Variants in TRIP10 observed in about 807,000 individuals in gnomAD.
The protein encoded by TRIP10 is thyroid hormone receptor interactor 10, also known as cdc42-interacting protein 4.
A neutral mutation model predicts 80.9 loss-of-function variants in TRIP10; 54 were observed. The ratio of observed to expected loss-of-function variants is 0.67; its 90% CI spans 0.54 to 0.84. The LOEUF (loss-of-function observed/expected upper bound fraction) is 0.84, where lower values mean the gene tolerates loss of function less well. Ranked by LOEUF, TRIP10 falls within the 40% of genes least tolerant of loss-of-function variation. The probability of loss-of-function intolerance (pLI) is 0.00; values close to 1 mark genes in which losing one functional copy is unlikely to be tolerated. For synonymous variants in TRIP10, 321 were observed against 307.2 expected (o/e 1.04, Z -0.47); for missense variants, 773 against 815.3 (o/e 0.95, Z 0.63).
At chr19:6,740,629 C>CA (rs2145528413) in intron 1 of TRIP10, 1 of 207,246 alleles carries the variant, frequency 4.8e-6, no homozygotes, top group East Asian at 1.2e-4. Flanking sequence ...CCCAGTCTGC[C>CA]AGGAACCCTG....
chr19:6,748,865 T>A (rs1165258310), intron 11 of TRIP10: 1 of 152,152 alleles, frequency 6.6e-6, no homozygotes, highest in Non-Finnish European at 1.5e-5. Context: ...ATTATAGTCG[T>A]GACTACCTGT....
chr19:6,750,345 G>C lies in TRIP10; in HGVS notation c.1449G>C (p.Leu483=). 1.2e-6 allele frequency: 2 copies of C among 1,614,092 alleles called. No individual in the cohort carries two copies. Among genetic ancestry groups the C allele is most frequent in the Non-Finnish European group, 1.7e-6 (2 of 1,179,988 alleles). ...TCCTTAGCAACCGGGGAGACAGCCT[G>C]AGCCGGCACGCCCGGCCTCCCGACC... is the stretch of plus-strand genomic sequence containing the variant. The part of the protein sequence containing the change: ...SRVLSNRGDS[L]SRHARPPDPP... Residue 483 remains leucine, a synonymous_variant, in exon 13 of 15, where the codon CTG becomes CTC. Transcript: ENST00000313244.
chr19:6,747,364 A>G (rs976265457), intron 11 of TRIP10, among the ~76,000 whole-genome samples: 1 of 152,148 alleles, frequency 6.6e-6, no homozygotes, highest in Non-Finnish European at 1.5e-5. Flanking sequence ...GTCTTATACA[A>G]GTCATTCCAG....
In TRIP10 at chr19:6,743,485, C is replaced by A. The variant is rs751912954; in HGVS notation, c.409-9C>A. On this transcript the variant is annotated splice_polypyrimidine_tract_variant and intron_variant, in intron 5 of 14. Transcript: ENST00000313244. ...TGGCTCCCTCACTCCGGTTCTGTCC[C>A]CTACACAGAGTAAGCGTAAATTTGA... The A allele has an allele frequency of 6.2e-7, 1 of 1,613,654 alleles. No homozygotes were observed. The highest frequency in any genetic ancestry group is 2.2e-5 in the East Asian group (1 of 44,884).
chr19:6,739,887 C>G, intron 1 of TRIP10, 102 bp downstream of exon 1: 1 of 1,285,544 alleles, frequency 7.8e-7, no homozygotes, highest in Non-Finnish European at 1.0e-6. Flanking sequence ...CCTTTCCCTT[C>G]CACCGACCCC....
chr19:6,740,856 T>TC (rs1387563858), intron 1 of TRIP10, 154 bp from the exon 2 acceptor site: 2 of 623,460 alleles, frequency 3.2e-6, no homozygotes, highest in East Asian at 2.8e-5. Context: ...GTTTCCTGCC[T>TC]CCCCCCGCGC....
Position 6,744,770 on chromosome 19 carries a change from G to T in TRIP10, c.790-30G>T, listed in dbSNP as rs369486957. On this transcript the variant is annotated intron_variant, in intron 8 of 14. Transcript: ENST00000313244. The surrounding 1 kb of genome is among the most constrained non-coding windows in gnomAD (Gnocchi z 4.9). The stretch of plus-strand genomic sequence containing the variant: ...GGAGGTACCCATAGGCTAGGCACTC[G>T]ACTGCTCATCCACTGTCCCCCTCCC... 1.9e-6 allele frequency: 3 copies of T among 1,602,376 alleles called. No individual in the cohort carries two copies. Among genetic ancestry groups the T allele is most frequent in the Admixed American group, 1.7e-5 (1 of 59,360 alleles).
chr19:6,750,731 C>T, intron 14 of TRIP10, 98 bp downstream of exon 14: 2 of 1,528,478 alleles, frequency 1.3e-6, no homozygotes, highest in Non-Finnish European at 1.8e-6. Flanking sequence ...GCGGGTGGCT[C>T]AGGCTTGTAA....
chr19:6,751,241 G>A lies in TRIP10; in HGVS notation c.*30G>A. The A allele has an allele frequency of 6.2e-7, 1 of 1,613,400 alleles. No individual in the cohort carries two copies. Among genetic ancestry groups the A allele is most frequent in the Non-Finnish European group, 8.5e-7 (1 of 1,179,858 alleles). On this transcript the variant is annotated 3_prime_UTR_variant, in exon 15 of 15. Coordinates refer to ENST00000313244, the MANE Select transcript of TRIP10 (RefSeq NM_001288962.2). The stretch of plus-strand genomic sequence containing the variant: ...TGCCAGAGACGGGAAGAGGGGGGCT[G>A]TCGGCTGCTGCTTCTGGGCCACGGG...
chr19:6,744,069 C>G lies in TRIP10; in HGVS notation c.642+233C>G, dbSNP rs1489981349. Among the ~76,000 whole-genome samples, 3 of 151,946 alleles carry G rather than the reference C, an allele frequency of 2.0e-5. No homozygotes were observed. The highest frequency in any genetic ancestry group is 7.3e-5 in the African/African-American group (3 of 41,232). Reference sequence around the variant, plus strand: ...GAGAGATGGGGCCTGGCTCTGTCACCCGGGCAGGAGTGCAGTGGCATAATC... The same window carrying G: ...GAGAGATGGGGCCTGGCTCTGTCACGCGGGCAGGAGTGCAGTGGCATAATC... On this transcript the variant is annotated intron_variant, in intron 7 of 14. Coordinates refer to ENST00000313244, the MANE Select transcript of TRIP10 (RefSeq NM_001288962.2). This position sits in a 1 kb window ranked among gnomAD's most constrained non-coding sequence, Gnocchi z 4.9.
Position 6,744,383 on chromosome 19 carries a change from C to G in TRIP10, c.643-171C>G, listed in dbSNP as rs1368625511. 6.6e-6 allele frequency among the ~76,000 whole-genome samples: 1 copy of G among 152,216 alleles called. No homozygotes were observed. Among genetic ancestry groups the G allele is most frequent in the African/African-American group, 2.4e-5 (1 of 41,466 alleles). On this transcript the variant is annotated intron_variant, in intron 7 of 14. Transcript: ENST00000313244. This position sits in a 1 kb window ranked among gnomAD's most constrained non-coding sequence, Gnocchi z 4.9. Reference sequence around the variant, plus strand: ...CTCTGAGATCCCCCTGGCCCTGTGTCTCTTCCCCAACCACAGTGGGCTGGA... The same window carrying G: ...CTCTGAGATCCCCCTGGCCCTGTGTGTCTTCCCCAACCACAGTGGGCTGGA...
chr19:6,741,088 C>T lies in TRIP10; in HGVS notation c.103C>T (p.Arg35Cys), dbSNP rs961646940. 2 of 1,614,196 alleles carry T rather than the reference C, an allele frequency of 1.2e-6. No individual in the cohort carries two copies. Among genetic ancestry groups the T allele is most frequent in the Non-Finnish European group, 1.7e-6 (2 of 1,180,024 alleles). The change falls in exon 2 of 15, where the codon CGC becomes TGC. Residue 35 changes from arginine to cysteine, a missense_variant. Arg to Cys is a radical substitution (Grantham distance 180, BLOSUM62 -3). Transcript: ENST00000313244. ...LDRYVKFVKE[R>C]TEVEQAYAKQ... Reference sequence around the variant, plus strand: ...CAGATATGTAAAGTTCGTGAAAGAACGCACCGAAGTGGAACAGGCTTACGC... The same window carrying T: ...CAGATATGTAAAGTTCGTGAAAGAATGCACCGAAGTGGAACAGGCTTACGC...
At chr19:6,740,970 CG>C in intron 1 of TRIP10, 39 bp from the exon 2 acceptor site, 1 of 1,576,024 alleles carries the variant, frequency 6.3e-7, no homozygotes, top group Non-Finnish European at 8.7e-7. Context: ...ATCGTGACCC[CG>C]GCCCCTCTCC....
In TRIP10 at chr19:6,742,977, C is replaced by T; in HGVS notation, c.208C>T (p.Gln70Ter). 6.2e-7 allele frequency: 1 copy of T among 1,614,090 alleles called. No individual in the cohort carries two copies. The highest frequency in any genetic ancestry group is 8.5e-7 in the Non-Finnish European group (1 of 1,180,032). Residue 70 changes from glutamine to a stop codon, truncating the protein, a stop_gained, in exon 4 of 15, where the codon CAA (glutamine) becomes TAA (stop). Coordinates refer to ENST00000313244, the MANE Select transcript of TRIP10 (RefSeq NM_001288962.2). LOFTEE classifies it high-confidence loss of function. ...KDDPESKFSQ[Q>*]QSFVQILQEV... Reference sequence around the variant, plus strand: ...CTCATCCAACCCCAGATTCAGCCAGCAACAGTCCTTCGTACAGATTCTCCA... The same window carrying T: ...CTCATCCAACCCCAGATTCAGCCAGTAACAGTCCTTCGTACAGATTCTCCA...
chr19:6,743,210 G>T lies in TRIP10; in HGVS notation c.362G>T (p.Arg121Leu), dbSNP rs375676701. The T allele has an allele frequency of 1.2e-6, 2 of 1,614,124 alleles. No individual in the cohort carries two copies. The highest frequency in any genetic ancestry group is 1.7e-6 in the Non-Finnish European group (2 of 1,180,024). The change falls in exon 5 of 15, where the codon CGG (arginine) becomes CTG (leucine). Residue 121 changes from arginine to leucine, a missense_variant. Transcript: ENST00000313244. ...QERKMHFQEG[R>L]RAQQQLENGF... ...TTTCTGTAGCACTTCCAAGAAGGGC[G>T]GCGGGCCCAGCAGCAGCTGGAAAAT... is the stretch of plus-strand genomic sequence containing the variant.
At position 6,751,155 on chromosome 19, in the gene TRIP10, A is replaced by C. The variant is rs762538200; in HGVS notation, c.1750A>C (p.Lys584Gln). ...KGDGWTRVRRKEGGEGYVPTS... is the reference protein window; with the variant it reads ...KGDGWTRVRRQEGGEGYVPTS... ...GGACGGCTGGACCCGGGTCAGGCGG[A>C]AAGAGGGAGGCGAGGGCTACGTGCC... The change falls in exon 15 of 15, where the codon AAA (lysine) becomes CAA (glutamine). Residue 584 changes from lysine (K) to glutamine (Q), a missense_variant. Physicochemically the swap from Lys to Gln is moderately conservative, Grantham distance 53. Coordinates refer to ENST00000313244, the MANE Select transcript of TRIP10 (RefSeq NM_001288962.2). The C allele has an allele frequency of 6.2e-7, 1 of 1,612,780 alleles. No individual in the cohort carries two copies. The highest frequency in any genetic ancestry group is 8.5e-7 in the Non-Finnish European group (1 of 1,179,802).
intron 3 of TRIP10, among the ~76,000 whole-genome samples, chr19:6,742,604 A>G (rs111607574): frequency 0.023 from 3,546 of 151,412 alleles, 137 homozygotes; most frequent in African/African-American, 0.081. Context: ...GGGGGATTGG[A>G]GTTTGAGACC....
In TRIP10 at chr19:6,739,781, T is replaced by C; in HGVS notation, c.20T>C (p.Leu7Pro). 6.8e-7 allele frequency: 1 copy of C among 1,468,270 alleles called. No individual in the cohort carries two copies. 91.0% of individuals were successfully genotyped at this position (1,468,270 alleles called of 1,614,324 possible). A position where few individuals can be genotyped will look rare whatever the true frequency, so the allele number is the denominator to read the frequency against. Residue 7 changes from leucine (L) to proline (P), a missense_variant, in exon 1 of 15, where the codon CTG becomes CCG. Transcript: ENST00000313244. MDWGTELWDQFEVLERH... is the reference protein window; with the variant it reads MDWGTEPWDQFEVLERH... Reference sequence around the variant, plus strand: ...AGCAGCATGGATTGGGGCACTGAGCTGTGGGTAAGTCCAATCGGCCCGCCT... The same window carrying C: ...AGCAGCATGGATTGGGGCACTGAGCCGTGGGTAAGTCCAATCGGCCCGCCT...
chr19:6,745,736 AC>A lies in TRIP10; in HGVS notation c.985-291del, dbSNP rs2145544367. ...ATAACATTCCAGAGACCTAGGAGAT[AC>A]CGGGGGAGTGAGAGTTCTGGCTTTC... On this transcript the variant is annotated intron_variant, in intron 9 of 14. Coordinates refer to ENST00000313244, the MANE Select transcript of TRIP10 (RefSeq NM_001288962.2). The surrounding 1 kb of genome is among the most constrained non-coding windows in gnomAD (Gnocchi z 7.2). 1.0e-6 allele frequency: 1 copy of A among 985,172 alleles called. No homozygotes were observed. Among genetic ancestry groups the A allele is most frequent in the African/African-American group, 1.7e-5 (1 of 57,254 alleles). 61.0% of individuals were successfully genotyped at this position (985,172 alleles called of 1,614,324 possible).
Sources: gnomAD v4.1 joint callset for allele counts (sites outside exome capture counted in the v4.1 genomes callset) on GRCh38, gnomAD v4.1.1 for gene constraint, Gnocchi (gnomAD v3.1) non-coding constraint, MANE v1.5 for transcripts, NCBI Gene and HGNC (gene_info 2026-07-23, HGNC 2026-07-21) for gene names.